Variants in DQX1 observed in about 807,000 individuals in gnomAD.
The protein encoded by DQX1 is ATP-dependent RNA helicase homolog DQX1.
In DQX1, 66 loss-of-function variants were observed where a neutral mutation model predicts 81.3. The ratio of observed to expected loss-of-function variants is 0.81; its 90% CI spans 0.67 to 1.00. The LOEUF (loss-of-function observed/expected upper bound fraction) is 1.00, where lower values mean the gene tolerates loss of function less well. DQX1 is among the 50% of genes least tolerant of loss of function. DQX1 has a pLI of 0.00. For synonymous variants in DQX1, 290 were observed against 350.0 expected (o/e 0.83, Z 1.91); for missense variants, 798 against 867.9 (o/e 0.92, Z 1.01).
At chr2:74,524,332 G>A (rs892506986) in intron 3 of DQX1, 25 bp from the exon 4 acceptor site, 3 of 1,597,012 alleles carry the variant, frequency 1.9e-6, no homozygotes, top group African/African-American at 2.7e-5. Flanking sequence ...AGTGGGCAGA[G>A]GAATCAGTGT....
In DQX1 at chr2:74,523,912, T is replaced by C; in HGVS notation, c.816+11A>G. 6.4e-7 allele frequency: 1 copy of C among 1,551,542 alleles called. No individual in the cohort carries two copies. The highest frequency in any genetic ancestry group is 8.7e-7 in the Non-Finnish European group (1 of 1,150,222). On this transcript the variant is annotated intron_variant, in intron 4 of 11. Transcript: ENST00000404568. Reference sequence around the variant, plus strand: ...TGCAGGCTGTTTTTTTTGTTTTGTTTTGTTTTTTACCTCCTCACTGGGCAG... The same window carrying C: ...TGCAGGCTGTTTTTTTTGTTTTGTTCTGTTTTTTACCTCCTCACTGGGCAG...
At chr2:74,522,827 G>A (rs370443282) in intron 7 of DQX1, 29 bp downstream of exon 7, 11 of 1,612,274 alleles carry the variant, frequency 6.8e-6, no homozygotes, top group Non-Finnish European at 9.3e-6. Flanking sequence ...GTGGTCAGAT[G>A]GCAGTGCTTG....
In DQX1 at chr2:74,525,988, T is replaced by C. The variant is rs527756676; in HGVS notation, c.-20+148A>G. The C allele has an allele frequency of 9.4e-5, 42 of 448,490 alleles. 1 individual carries two copies. In the South Asian group the frequency reaches 1.2e-3, roughly 13 times the overall value. The allele number at this position is 448,490 out of a possible 1,614,324, so 27.8% of individuals were successfully genotyped here. On this transcript the variant is annotated intron_variant, in intron 1 of 11. Transcript: ENST00000404568. This position sits in a 1 kb window ranked among gnomAD's most constrained non-coding sequence, Gnocchi z 4.1. ...AGACTATTACCCCGTTGGCAGGTAG[T>C]AGAAATCTTACTTAGGCAGGGGTCC...
chr2:74,522,455 C>G, intron 8 of DQX1, 125 bp downstream of exon 8: 1 of 1,178,646 alleles, frequency 8.5e-7, no homozygotes, highest in Non-Finnish European at 1.2e-6. Context: ...AAGCCTGGTT[C>G]TTTAGGCATT....
In DQX1 at chr2:74,523,415, C is replaced by T. The variant is rs754738930; in HGVS notation, c.939G>A (p.Glu313=). Residue 313 remains glutamate (E), a synonymous_variant, in exon 5 of 12, where the codon GAG becomes GAA. Transcript: ENST00000404568. Reference sequence around the variant, plus strand: ...CCACAACCTTTCGGGCATCCATGTCCTCATACACAGCCTGAACGGCTCGTC... The same window carrying T: ...CCACAACCTTTCGGGCATCCATGTCTTCATACACAGCCTGAACGGCTCGTC... The part of the protein sequence containing the change: ...DCGRAVQAVY[E]DMDARKVVVT... 1.5e-5 allele frequency: 24 copies of T among 1,614,046 alleles called. No individual in the cohort carries two copies. The Admixed American group carries it at 3.7e-4, about 25-fold the overall frequency.
intron 6 of DQX1, 52 bp downstream of exon 6, chr2:74,523,067 G>A (rs1476604420): frequency 6.2e-7 from 1 of 1,613,846 alleles, no homozygotes; most frequent in Non-Finnish European, 8.5e-7. Flanking sequence ...CTCAGGGCTT[G>A]CATGTTGGTG....
At chr2:74,524,589 G>A (rs1675122904) in intron 3 of DQX1, among the ~76,000 whole-genome samples, 1 of 152,140 alleles carries the variant, frequency 6.6e-6, no homozygotes. Flanking sequence ...TTTAGCCATT[G>A]CACCACACAC....
At position 74,518,460 on chromosome 2, in the gene DQX1, A is replaced by G. The variant is rs1276235315; in HGVS notation, c.2140T>C (p.Cys714Arg). 1.2e-6 allele frequency: 2 copies of G among 1,614,212 alleles called. No homozygotes were observed. The highest frequency in any genetic ancestry group is 8.5e-7 in the Non-Finnish European group (1 of 1,180,032). Residue 714 changes from cysteine (C) to arginine (R), a missense_variant, in exon 12 of 12, where the codon TGT becomes CGT. Cys to Arg is a radical substitution (Grantham distance 180). Coordinates refer to ENST00000404568, the MANE Select transcript of DQX1 (RefSeq NM_133637.3). Reference protein sequence around the residue: ...SSSAQEFRDPCVLQ With the variant: ...SSSAQEFRDPRVLQ ...AGGCAGGCAGGTCACTGCAGGACAC[A>G]GGGATCTCTGAACTCCTGGGCTGAG...
rs769342695 is a variant in DQX1, at chr2:74,522,895, T to C, written c.1264A>G (p.Ile422Val). The C allele has an allele frequency of 1.2e-6, 2 of 1,614,164 alleles. No individual in the cohort carries two copies. Among genetic ancestry groups the C allele is most frequent in the East Asian group, 4.5e-5 (2 of 44,884 alleles). The change falls in exon 7 of 12, where the codon ATT becomes GTT. Residue 422 changes from isoleucine to valine, a missense_variant. By Grantham distance (29) the Ile-to-Val change is conservative. Coordinates refer to ENST00000404568, the MANE Select transcript of DQX1 (RefSeq NM_133637.3). Reference sequence around the variant, plus strand: ...AAGTGACACTCCCCTGGCTCTGCAATCTGTCTCCTTTTTAGTAGTAACACC... The same window carrying C: ...AAGTGACACTCCCCTGGCTCTGCAACCTGTCTCCTTTTTAGTAGTAACACC... ...SLVLLLKRRQ[I>V]AEPGECHFLD...
Position 74,519,624 on chromosome 2 carries a change from G to A in DQX1, c.1738C>T (p.Pro580Ser). ...CGATTCTGCTCAGAGCCAAAGGCTG[G>A]TAGGGACAAGGGAAGTTCAATTCGT... ...MQRIELPLSL[P>S]AFGSEQNRRD... Residue 580 changes from proline (P) to serine (S), a missense_variant, in exon 10 of 12, where the codon CCA becomes TCA. Pro to Ser is a moderately conservative substitution (Grantham distance 74). Coordinates refer to ENST00000404568, the MANE Select transcript of DQX1 (RefSeq NM_133637.3). 1 of 1,614,232 alleles carries A rather than the reference G, an allele frequency of 6.2e-7. No homozygotes were observed.
In DQX1 at chr2:74,522,555, A is replaced by G. The variant is rs778949111; in HGVS notation, c.1495+25T>C. The G allele has an allele frequency of 1.1e-5, 18 of 1,599,184 alleles. 1 individual carries two copies. Among genetic ancestry groups the G allele is most frequent in the Non-Finnish European group, 1.4e-5 (16 of 1,171,292 alleles). On this transcript the variant is annotated intron_variant, in intron 8 of 11. Coordinates refer to ENST00000404568, the MANE Select transcript of DQX1 (RefSeq NM_133637.3). ...AAGGGCTGAAGTGGTTTCAAGAGCTATGGATTTACAGCAGCGATTTATACC... is the reference window on the plus strand; with the variant it reads ...AAGGGCTGAAGTGGTTTCAAGAGCTGTGGATTTACAGCAGCGATTTATACC...
intron 11 of DQX1, 98 bp downstream of exon 11, chr2:74,518,942 C>T (rs1054729651): frequency 4.8e-6 from 6 of 1,239,634 alleles, no homozygotes; most frequent in Non-Finnish European, 6.7e-6. Context: ...TTTTTACTAA[C>T]CACTAAGATC....
chr2:74,519,328 G>C, intron 10 of DQX1, 98 bp from the exon 11 acceptor site: 3 of 1,391,502 alleles, frequency 2.2e-6, no homozygotes, highest in South Asian at 1.4e-5. Context: ...AGGGTGATGA[G>C]AGCATGAAAA....
At position 74,519,707 on chromosome 2, in the gene DQX1, T is replaced by A; in HGVS notation, c.1655A>T (p.Asn552Ile). 1 of 1,614,188 alleles carries A rather than the reference T, an allele frequency of 6.2e-7. No individual in the cohort carries two copies. Among genetic ancestry groups the A allele is most frequent in the Non-Finnish European group, 8.5e-7 (1 of 1,180,022 alleles). Residue 552 changes from asparagine (N) to isoleucine (I), a missense_variant, in exon 10 of 12, where the codon AAT becomes ATT. By Grantham distance (149) the Asn-to-Ile change is moderately radical. Transcript: ENST00000404568. The part of the protein sequence containing the change: ...DEAWCQARGL[N>I]WAALCQAHKL... Reference sequence around the variant, plus strand: ...ATGGGCTTGGCACAATGCTGCCCAATTCAGACCTCGAGCCTGGCACCAAGC... The same window carrying A: ...ATGGGCTTGGCACAATGCTGCCCAAATCAGACCTCGAGCCTGGCACCAAGC...
intron 3 of DQX1, among the ~76,000 whole-genome samples, chr2:74,524,612 G>A (rs1675123885): frequency 6.6e-6 from 1 of 152,188 alleles, no homozygotes; most frequent in Non-Finnish European, 1.5e-5. Context: ...TTTAGAGTGA[G>A]TTGGGGCCAG....
Position 74,525,679 on chromosome 2 carries a change from C to T in DQX1, c.51G>A (p.Gly17=), listed in dbSNP as rs1449786014. The T allele has an allele frequency of 6.4e-7, 1 of 1,551,748 alleles. No homozygotes were observed. The highest frequency in any genetic ancestry group is 8.7e-7 in the Non-Finnish European group (1 of 1,147,018). The part of the protein sequence containing the change: ...RLAEEYGPSP[G]ESELAVNPFD... ...AGGGGTTCACAGCCAGTTCAGACTC[C>T]CCAGGACTTGGGCCATACTCTTCTG... Residue 17 remains glycine, a synonymous_variant, in exon 2 of 12, where the codon GGG becomes GGA. Transcript: ENST00000404568. The surrounding 1 kb of genome is among the most constrained non-coding windows in gnomAD (Gnocchi z 4.1).
rs967060523 is a variant in DQX1, at chr2:74,525,692, C to T, written c.38G>A (p.Gly13Asp). The T allele has an allele frequency of 1.9e-6, 3 of 1,551,608 alleles. No homozygotes were observed. The highest frequency in any genetic ancestry group is 2.7e-5 in the African/African-American group (2 of 73,052). ...CAGTTCAGACTCCCCAGGACTTGGG[C>T]CATACTCTTCTGCTAGCCTGAGAGG... ...SQPLRLAEEY[G>D]PSPGESELAV... The change falls in exon 2 of 12, where the codon GGC (glycine) becomes GAC (aspartate). Residue 13 changes from glycine (G) to aspartate (D), a missense_variant. By Grantham distance (94) the Gly-to-Asp change is moderately conservative. Coordinates refer to ENST00000404568, the MANE Select transcript of DQX1 (RefSeq NM_133637.3). This position sits in a 1 kb window ranked among gnomAD's most constrained non-coding sequence, Gnocchi z 4.1.
intron 5 of DQX1, 44 bp downstream of exon 5, chr2:74,523,265 AT>A (rs1226898625): frequency 1.9e-5 from 31 of 1,613,830 alleles, no homozygotes; most frequent in Non-Finnish European, 2.4e-5. Context: ...AGAGTGGGCC[AT>A]TTCTGTCTTT....
At position 74,522,894 on chromosome 2, in the gene DQX1, ATCTG is replaced by A; in HGVS notation, c.1261_1264del (p.Gln421LeufsTer18). On this transcript the variant is annotated frameshift_variant, in exon 7 of 12. Transcript: ENST00000404568. LOFTEE classifies it high-confidence loss of function. ...GAAGTGACACTCCCCTGGCTCTGCA[ATCTG>A]TCTCCTTTTTAGTAGTAACACCAGG... 1 of 1,614,134 alleles carries A rather than the reference ATCTG, an allele frequency of 6.2e-7. No homozygotes were observed. Among genetic ancestry groups the A allele is most frequent in the Non-Finnish European group, 8.5e-7 (1 of 1,180,000 alleles).
Sources: gnomAD v4.1 joint callset for allele counts (sites outside exome capture counted in the v4.1 genomes callset) on GRCh38, gnomAD v4.1.1 for gene constraint, Gnocchi (gnomAD v3.1) non-coding constraint, MANE v1.5 for transcripts, NCBI Gene and HGNC (gene_info 2026-07-23, HGNC 2026-07-21) for gene names.